The following DENND5A variants were observed in gnomAD, a reference collection of about 807,000 sequenced individuals.
DENND5A encodes DENN domain containing 5A.
A neutral mutation model predicts 140.3 loss-of-function variants in DENND5A; 64 were observed. That is an observed-to-expected ratio of 0.46 (90% CI 0.37 to 0.56). The LOEUF (loss-of-function observed/expected upper bound fraction) is 0.56. DENND5A is among the 20% of genes least tolerant of loss of function. The pLI, the probability that DENND5A is intolerant of heterozygous loss-of-function variation, is 0.00. For missense variants in DENND5A, 1,292 were observed against 1,593.8 expected, an observed-to-expected ratio of 0.81 and a Z score of 3.22; for synonymous variants, 605 against 607.7, an observed-to-expected ratio of 1.00 and a Z score of 0.07.
intron 16 of DENND5A, 104 bp downstream of exon 16, chr11:9,146,926 C>T: frequency 1.5e-6 from 2 of 1,346,964 alleles, no homozygotes; most frequent in East Asian, 2.3e-5. Flanking sequence ...ATAGAAAGTA[C>T]AAGGGATAAT....
chr11:9,225,125 T>C (rs1850478054), intron 1 of DENND5A, among the ~76,000 whole-genome samples: 1 of 152,210 alleles, frequency 6.6e-6, no homozygotes, highest in Admixed American at 6.5e-5. Flanking sequence ...TTTGACAATG[T>C]ATCTCTAGAA....
At chr11:9,242,892 A>T (rs1410239854) in intron 1 of DENND5A, 1 of 151,666 alleles carries the variant, frequency 6.6e-6, no homozygotes, top group Admixed American at 6.6e-5. Flanking sequence ...GTTCGAGACC[A>T]GCCTGGCCAA....
At chr11:9,205,150 T>C (rs999257740) in intron 3 of DENND5A, among the ~76,000 whole-genome samples, 2 of 152,176 alleles carry the variant, frequency 1.3e-5, no homozygotes, top group Admixed American at 6.5e-5. Flanking sequence ...TAAAACTTCT[T>C]TTCACATCAA....
At chr11:9,257,621 A>G (rs1160304701) in intron 1 of DENND5A, among the ~76,000 whole-genome samples, 1 of 150,228 alleles carries the variant, frequency 6.7e-6, no homozygotes. Context: ...AGCTGGGACT[A>G]CAGGTGCCCG....
intron 1 of DENND5A, among the ~76,000 whole-genome samples, chr11:9,248,221 G>A (rs1851561642): frequency 6.6e-6 from 1 of 152,106 alleles, no homozygotes; most frequent in South Asian, 2.1e-4. Flanking sequence ...GGATTCAAGT[G>A]ATCCACCTTC....
At chr11:9,260,919 G>A (rs1466343760) in intron 1 of DENND5A, among the ~76,000 whole-genome samples, 1 of 152,116 alleles carries the variant, frequency 6.6e-6, no homozygotes, top group African/African-American at 2.4e-5. Flanking sequence ...CACAATCTCA[G>A]TTCACTGCAA....
intron 1 of DENND5A, among the ~76,000 whole-genome samples, chr11:9,253,989 C>G (rs1208783532): frequency 6.6e-6 from 1 of 151,968 alleles, no homozygotes; most frequent in Non-Finnish European, 1.5e-5. Flanking sequence ...GAAACCCCAT[C>G]TCTACTAAGA....
chr11:9,190,090 G>A (rs1300433530), intron 5 of DENND5A, among the ~76,000 whole-genome samples: 3 of 152,124 alleles, frequency 2.0e-5, no homozygotes, highest in Non-Finnish European at 4.4e-5. Context: ...TCTCTCATTT[G>A]GAATGGCAAT....
rs905408269 is a variant in DENND5A at position 9,200,727 on chromosome 11, T to C, written c.949+2933A>G. 2.6e-5 allele frequency among the ~76,000 whole-genome samples: 4 copies of C among 152,220 alleles called. No individual in the cohort carries two copies. The South Asian group carries it at 8.3e-4, about 32-fold the overall frequency. ...ACCATTCCACACCACTTCACTGTTA[T>C]CTCCTTAGTTCTAACTGACATCACC... On this transcript the variant is annotated intron_variant, in intron 4 of 22. Transcript: ENST00000328194.
Position 9,229,083 on chromosome 11 carries a change from C to T in DENND5A, c.110-21451G>A, listed in dbSNP as rs75108873. Among the ~76,000 whole-genome samples the T allele has an allele frequency of 3.4e-3, 525 of 152,216 alleles. 2 individuals carry two copies. The highest frequency in any genetic ancestry group is 0.012 in the African/African-American group (501 of 41,528). ...CAGTCTTGTGAGACTAAGCACTTAA[C>T]CTGTGGAGTGTGCACTAAGCCTAGG... On this transcript the variant is annotated intron_variant, in intron 1 of 22. Coordinates refer to ENST00000328194, the MANE Select transcript of DENND5A (RefSeq NM_015213.4).
chr11:9,254,946 A>C (rs1298900862), intron 1 of DENND5A, among the ~76,000 whole-genome samples: 1 of 151,742 alleles, frequency 6.6e-6, no homozygotes, highest in African/African-American at 2.4e-5. Flanking sequence ...TGGCAGATGC[A>C]TGTAATCCCA....
chr11:9,259,034 G>A (rs1192433869), intron 1 of DENND5A, among the ~76,000 whole-genome samples: 1 of 152,160 alleles, frequency 6.6e-6, no homozygotes, highest in Non-Finnish European at 1.5e-5. Context: ...GCCGAGGCGG[G>A]CAGATCAACT....
intron 8 of DENND5A, among the ~76,000 whole-genome samples, chr11:9,173,357 T>C (rs1848437437): frequency 6.6e-6 from 1 of 152,240 alleles, no homozygotes; most frequent in Non-Finnish European, 1.5e-5. Flanking sequence ...ACACAGTTAA[T>C]GTATTAGATT....
rs1748338198 is a variant in DENND5A, at chr11:9,203,822, A to C, written c.787T>G (p.Ser263Ala). ...LPPPGRSLKF[S>A]GVYGPIICQR... ...CAGATTATTGGCCCATAGACCCCAG[A>C]AAACTTCAAGGACCGGCCAGGAGGT... is the stretch of plus-strand genomic sequence containing the variant. Residue 263 changes from serine (S) to alanine (A), a missense_variant, in exon 4 of 23, where the codon TCT (serine) becomes GCT (alanine). Ser to Ala is a moderately conservative substitution (Grantham distance 99). Transcript: ENST00000328194. 1.2e-6 allele frequency: 2 copies of C among 1,614,164 alleles called. No individual in the cohort carries two copies. The highest frequency in any genetic ancestry group is 2.7e-5 in the African/African-American group (2 of 75,048).
chr11:9,188,351 G>C (rs534925631), intron 5 of DENND5A, among the ~76,000 whole-genome samples: 1 of 152,064 alleles, frequency 6.6e-6, no homozygotes, highest in African/African-American at 2.4e-5. Context: ...CCACTCTCAG[G>C]TATGTCTTTA....
chr11:9,238,766 A>AT (rs1851110009), intron 1 of DENND5A, among the ~76,000 whole-genome samples: 2 of 151,728 alleles, frequency 1.3e-5, no homozygotes, highest in Non-Finnish European at 2.9e-5. Context: ...ACATGCTTAT[A>AT]AAGCCTAATT....
chr11:9,233,253 A>C (rs1343820438), intron 1 of DENND5A, among the ~76,000 whole-genome samples: 2 of 151,874 alleles, frequency 1.3e-5, no homozygotes, highest in Non-Finnish European at 2.9e-5. Flanking sequence ...ACAAAAATTA[A>C]CTGGACATGG....
chr11:9,231,064 T>C (rs1327683941), intron 1 of DENND5A, among the ~76,000 whole-genome samples: 3 of 152,192 alleles, frequency 2.0e-5, no homozygotes, highest in African/African-American at 7.2e-5. Flanking sequence ...AGTTAACATA[T>C]GTAAAGCATA....
rs545917736 is a variant in DENND5A at position 9,139,330 on chromosome 11, G to C, written c.*341C>G. On this transcript the variant is annotated 3_prime_UTR_variant, in exon 23 of 23. Transcript: ENST00000328194. ...GGGCCTCATTAATGCGACGGGGCAA[G>C]GAAACATAACTGTCCCGCACGCAGT... 1.3e-5 allele frequency: 3 copies of C among 235,988 alleles called. No individual in the cohort carries two copies. The highest frequency in any genetic ancestry group is 1.9e-4 in the East Asian group (2 of 10,760). The allele number at this position is 235,988 out of a possible 1,614,324, so 14.6% of individuals were successfully genotyped here.
Sources: gnomAD v4.1 joint callset for allele counts (sites outside exome capture counted in the v4.1 genomes callset) on GRCh38, gnomAD v4.1.1 for gene constraint, MANE v1.5 for transcripts, NCBI Gene and HGNC (gene_info 2026-07-23, HGNC 2026-07-21) for gene names.